SMIM35: variants seen among roughly 807,000 people sequenced by gnomAD.
SMIM35 encodes small integral membrane protein 35.
intron 1 of SMIM35, among the ~76,000 whole-genome samples, chr11:118,086,232 G>A (rs1023209797): frequency 3.9e-5 from 6 of 152,358 alleles, no homozygotes; most frequent in East Asian, 1.9e-4. Context: ...GAACACAAAA[G>A]CTGATTCTTA....
At chr11:118,018,380 C>T (rs1323732071) in intron 1 of SMIM35, among the ~76,000 whole-genome samples, 1 of 152,044 alleles carries the variant, frequency 6.6e-6, no homozygotes, top group Non-Finnish European at 1.5e-5. Flanking sequence ...GAAGGGGGAC[C>T]AGTCAGGAGG....
chr11:118,019,195 A>T (rs377439404), intron 1 of SMIM35, among the ~76,000 whole-genome samples: 3 of 152,314 alleles, frequency 2.0e-5, no homozygotes, highest in South Asian at 4.1e-4. Context: ...GACCACTTCC[A>T]CTTCTGGCCA....
At chr11:118,009,726 A>G (rs1591272413) in intron 4 of SMIM35, among the ~76,000 whole-genome samples, 1 of 100,850 alleles carries the variant, frequency 9.9e-6, no homozygotes, top group African/African-American at 4.3e-5. Context: ...CAGACGCTTT[A>G]AAAAAAAAAA....
intron 1 of SMIM35, among the ~76,000 whole-genome samples, chr11:118,078,200 C>G (rs911289573): frequency 1.3e-5 from 2 of 151,982 alleles, no homozygotes; most frequent in Admixed American, 1.3e-4. Flanking sequence ...GAGAATCAAC[C>G]CTATCTTTCA....
intron 1 of SMIM35, among the ~76,000 whole-genome samples, chr11:118,017,602 G>A (rs1435445428): frequency 6.6e-6 from 1 of 152,196 alleles, no homozygotes; most frequent in Non-Finnish European, 1.5e-5. Flanking sequence ...TTTAAATAAA[G>A]TGGTCAAGGA....
intron 1 of SMIM35, among the ~76,000 whole-genome samples, chr11:118,039,490 A>C (rs1411004694): frequency 1.3e-5 from 2 of 152,196 alleles, no homozygotes; most frequent in East Asian, 3.9e-4. Flanking sequence ...TGGGTAGATC[A>C]TTTGAGCCCA....
In SMIM35 at chr11:118,042,444, TAA is replaced by T. The variant is rs142948349; in HGVS notation, c.8-26637_8-26636del. On this transcript the variant is annotated intron_variant, in intron 1 of 4. Coordinates refer to ENST00000689828, the MANE Select transcript of SMIM35 (RefSeq NM_001394165.1). ...AGATGATCTGAATAAGTATAACAAA[TAA>T]AGAGGCTGAACTAGCAATAAAAAAT... is the stretch of plus-strand genomic sequence containing the variant. 3.9e-5 allele frequency among the ~76,000 whole-genome samples: 6 copies of T among 152,052 alleles called. No individual in the cohort carries two copies. The East Asian group carries it at 9.7e-4, about 24-fold the overall frequency.
rs140119970 is a variant in SMIM35, at chr11:118,075,111, C to T, written c.7+11640G>A. 5.4e-3 allele frequency among the ~76,000 whole-genome samples: 828 copies of T among 152,312 alleles called. 7 individuals are homozygous for T. The highest frequency in any genetic ancestry group is 0.019 in the African/African-American group (798 of 41,570). ...TGTTTAGCCTGGCACATAGAGGAACCAAGACAACTGAAAACGTGGCTCCCA... is the reference window on the plus strand; with the variant it reads ...TGTTTAGCCTGGCACATAGAGGAACTAAGACAACTGAAAACGTGGCTCCCA... On this transcript the variant is annotated intron_variant, in intron 1 of 4. Transcript: ENST00000689828.
intron 1 of SMIM35, among the ~76,000 whole-genome samples, chr11:118,018,851 C>G (rs575539400): frequency 8.8e-4 from 134 of 152,030 alleles, no homozygotes; most frequent in African/African-American, 3.1e-3. Flanking sequence ...ATTCTTTAGT[C>G]TTTTTTTTAA....
At chr11:118,014,384 AGATGGATGGATG>A (rs72362173) in intron 3 of SMIM35, among the ~76,000 whole-genome samples, 6,516 of 147,032 alleles carry the variant, frequency 0.044, 335 homozygotes, top group African/African-American at 0.13. Flanking sequence ...CTTGGGGGAG[AGATGGATGGATG>A]GATGGATGGA....
In SMIM35 at chr11:118,013,831, T is replaced by A. The variant is rs890367498; in HGVS notation, c.208A>T (p.Ile70Phe). 2.5e-6 allele frequency: 1 copy of A among 399,090 alleles called. No homozygotes were observed. The highest frequency in any genetic ancestry group is 4.4e-6 in the Non-Finnish European group (1 of 226,096). 24.7% of individuals were successfully genotyped at this position (399,090 alleles called of 1,614,324 possible). A position where few individuals can be genotyped will look rare whatever the true frequency, so the allele number is the denominator to read the frequency against. ...MGPPFTISGH[I>F]SSTDGGYMKF... ...ATGTAGCCACCATCTGTGCTGCTGATGTGACCACTGATGGTGAAGGGTGGA... is the reference window on the plus strand; with the variant it reads ...ATGTAGCCACCATCTGTGCTGCTGAAGTGACCACTGATGGTGAAGGGTGGA... The change falls in exon 4 of 5, where the codon ATC (isoleucine) becomes TTC (phenylalanine). Residue 70 changes from isoleucine to phenylalanine, a missense_variant. Transcript: ENST00000689828.
chr11:118,028,643 G>A (rs2058293202), intron 1 of SMIM35: 2 of 232,212 alleles, frequency 8.6e-6, no homozygotes, highest in Non-Finnish European at 1.8e-5. Flanking sequence ...GAAGAAAATT[G>A]GCATAAAATT....
At chr11:118,059,187 G>A (rs954717605) in intron 1 of SMIM35, 3 of 152,416 alleles carry the variant, frequency 2.0e-5, no homozygotes, top group African/African-American at 7.2e-5. Flanking sequence ...CCATCCTGTA[G>A]AGGAGTTATA....
intron 1 of SMIM35, among the ~76,000 whole-genome samples, chr11:118,039,156 G>T (rs1331249521): frequency 6.6e-6 from 1 of 152,162 alleles, no homozygotes; most frequent in African/African-American, 2.4e-5. Flanking sequence ...ATAAATTAGA[G>T]CAGAGCAAAA....
intron 1 of SMIM35, among the ~76,000 whole-genome samples, chr11:118,077,903 C>T (rs1271045429): frequency 6.7e-6 from 1 of 150,212 alleles, no homozygotes; most frequent in African/African-American, 2.5e-5. Flanking sequence ...ATCCCAGCTA[C>T]TTGGGAGGCT....
rs188442782 is a variant in SMIM35 at position 118,037,081 on chromosome 11, A to T, written c.8-21272T>A. On this transcript the variant is annotated intron_variant, in intron 1 of 4. Transcript: ENST00000689828. ...TTAGGGATTCTTAGTTGGCTTAGGA[A>T]ATCCAGCTAGTCCTGTCTCTCAGTC... Among the ~76,000 whole-genome samples, 158 of 151,806 alleles carry T rather than the reference A, an allele frequency of 1.0e-3. 2 individuals carry two copies. The highest frequency in any genetic ancestry group is 3.6e-3 in the African/African-American group (151 of 41,514).
At chr11:118,055,333 C>A (rs923859299) in intron 1 of SMIM35, among the ~76,000 whole-genome samples, 8 of 152,078 alleles carry the variant, frequency 5.3e-5, no homozygotes, top group African/African-American at 1.9e-4. Context: ...ACTATAGAGA[C>A]CCCATCTTGC....
At chr11:118,029,732 A>G (rs2058302775) in intron 1 of SMIM35, 1 of 457,252 alleles carries the variant, frequency 2.2e-6, no homozygotes, top group African/African-American at 2.0e-5. Context: ...TCTGCCCCAG[A>G]AACACCAGCA....
In SMIM35 at chr11:118,004,134, A is replaced by T. The variant is rs1348704604; in HGVS notation, c.*2276T>A. The T allele has an allele frequency of 6.6e-6, 1 of 152,252 alleles. No homozygotes were observed. The highest frequency in any genetic ancestry group is 1.5e-5 in the Non-Finnish European group (1 of 68,068). 9.4% of individuals were successfully genotyped at this position (152,252 alleles called of 1,614,324 possible). A position where few individuals can be genotyped will look rare whatever the true frequency, so the allele number is the denominator to read the frequency against. ...CTCTCTTCCACTTTCTTACAAGGGC[A>T]CTAATCCCATCATGGAGGCCCCATC... On this transcript the variant is annotated 3_prime_UTR_variant, in exon 5 of 5. Transcript: ENST00000689828.
Sources: gnomAD v4.1 joint callset for allele counts (sites outside exome capture counted in the v4.1 genomes callset) on GRCh38, gnomAD v4.1.1 for gene constraint, MANE v1.5 for transcripts, NCBI Gene and HGNC (gene_info 2026-07-23, HGNC 2026-07-21) for gene names.